NYAP2: variants seen among roughly 807,000 people sequenced by gnomAD.
NYAP2 encodes neuronal tyrosine-phosphorylated phosphoinositide-3-kinase adapter 2.
NYAP2 carries 23 observed loss-of-function variants against 50.4 expected under a neutral mutation model. That is an observed-to-expected ratio of 0.46 (90% CI 0.33 to 0.65). The LOEUF is 0.65. NYAP2 is among the 30% of genes least tolerant of loss of function. The pLI is 0.02. For missense variants in NYAP2, 885 were observed against 861.0 expected (o/e 1.03, Z -0.35); for synonymous variants, 394 against 365.2 (o/e 1.08, Z -0.90).
chr2:225,585,810 A>G (rs1692379791), intron 5 of NYAP2, among the ~76,000 whole-genome samples: 1 of 152,242 alleles, frequency 6.6e-6, no homozygotes, highest in Non-Finnish European at 1.5e-5. Flanking sequence ...GAATCTTTTC[A>G]TAATGCAAAA....
intron 5 of NYAP2, among the ~76,000 whole-genome samples, chr2:225,589,972 C>A (rs1692468591): frequency 6.6e-6 from 1 of 152,028 alleles, no homozygotes; most frequent in South Asian, 2.1e-4. Flanking sequence ...AGCAACCTGA[C>A]CGGAGTTAGG....
chr2:225,601,860 T>G (rs1037999680), intron 5 of NYAP2, among the ~76,000 whole-genome samples: 1 of 152,236 alleles, frequency 6.6e-6, no homozygotes, highest in Admixed American at 6.5e-5. Flanking sequence ...ACTCTGCTGA[T>G]AGTGTCCTTT....
chr2:225,435,025 T>C (rs1310024899), intron 3 of NYAP2, among the ~76,000 whole-genome samples: 1 of 152,222 alleles, frequency 6.6e-6, no homozygotes, highest in Non-Finnish European at 1.5e-5. Flanking sequence ...TGTCCTGATA[T>C]ATAAAAAGTT....
intron 4 of NYAP2, among the ~76,000 whole-genome samples, chr2:225,549,222 T>C (rs1691633015): frequency 6.6e-6 from 1 of 152,186 alleles, no homozygotes; most frequent in Non-Finnish European, 1.5e-5. Context: ...CTTCCAAGAA[T>C]GAGACACAAA....
intron 5 of NYAP2, among the ~76,000 whole-genome samples, chr2:225,622,240 C>T (rs530614494): frequency 1.3e-5 from 2 of 152,206 alleles, no homozygotes; most frequent in East Asian, 3.9e-4. Context: ...CTATGTTGCC[C>T]AGACTGATTT....
chr2:225,582,581 C>T lies in NYAP2; in HGVS notation c.1164C>T (p.Pro388=). The T allele has an allele frequency of 6.3e-7, 1 of 1,598,342 alleles. No individual in the cohort carries two copies. The highest frequency in any genetic ancestry group is 1.3e-5 in the African/African-American group (1 of 74,494). ...CCTCCACGCTGCCGTCCCACGTCCC[C>T]GGCCATGCGAAACTGGAGAAAGAGC... Residue 388 remains proline (P), a synonymous_variant, in exon 5 of 7, where the codon CCC becomes CCT. Coordinates refer to ENST00000636099, the Ensembl canonical transcript of NYAP2. The surrounding 1 kb of genome is among the most constrained non-coding windows in gnomAD (Gnocchi z 7.0).
intron 4 of NYAP2, among the ~76,000 whole-genome samples, chr2:225,528,550 C>A (rs750098518): frequency 1.8e-4 from 28 of 152,202 alleles, no homozygotes; most frequent in Admixed American, 3.9e-4. Context: ...AATACTGACA[C>A]TAAAATGATA....
intron 5 of NYAP2, among the ~76,000 whole-genome samples, chr2:225,597,126 G>A (rs778118923): frequency 1.6e-4 from 25 of 151,974 alleles, no homozygotes; most frequent in Non-Finnish European, 2.8e-4. Flanking sequence ...TAGATCTGCC[G>A]TCTAACAGCT....
intron 4 of NYAP2, among the ~76,000 whole-genome samples, chr2:225,577,455 ATT>A (rs142766983): frequency 6.6e-6 from 1 of 150,694 alleles, no homozygotes; most frequent in African/African-American, 2.4e-5. Context: ...ATTTTAAATA[ATT>A]TTTTTTTTAA....
intron 2 of NYAP2, among the ~76,000 whole-genome samples, chr2:225,406,815 C>T (rs1694947210): frequency 6.6e-6 from 1 of 151,858 alleles, no homozygotes; most frequent in Non-Finnish European, 1.5e-5. Flanking sequence ...ATTTGAAAGA[C>T]CACTTAGGAA....
chr2:225,581,309 T>G (rs1425261488), intron 4 of NYAP2, among the ~76,000 whole-genome samples: 1 of 152,216 alleles, frequency 6.6e-6, no homozygotes, highest in Non-Finnish European at 1.5e-5. Flanking sequence ...AAATACACCA[T>G]AATCAACAAT....
the NYAP2 span, among the ~76,000 whole-genome samples, chr2:225,675,106 A>G: frequency 2.0e-5 from 3 of 152,258 alleles, no homozygotes; most frequent in Admixed American, 2.0e-4. Flanking sequence ...TTTATTGTTT[A>G]TTAGTGGTAA....
chr2:225,452,311 A>G (rs1234326567), intron 3 of NYAP2, among the ~76,000 whole-genome samples: 1 of 152,216 alleles, frequency 6.6e-6, no homozygotes, highest in African/African-American at 2.4e-5. Flanking sequence ...TTAGCACTGT[A>G]GGAAGTGCAC....
chr2:225,435,114 C>T (rs1689355621), intron 3 of NYAP2, among the ~76,000 whole-genome samples: 3 of 152,064 alleles, frequency 2.0e-5, no homozygotes, highest in Non-Finnish European at 4.4e-5. Context: ...TAAACATGAT[C>T]TTTTGTGTGT....
intron 4 of NYAP2, among the ~76,000 whole-genome samples, chr2:225,532,429 G>C (rs1691274418): frequency 6.6e-6 from 1 of 152,124 alleles, no homozygotes; most frequent in Non-Finnish European, 1.5e-5. Context: ...AAGTAGGAGG[G>C]CAGTGATTTA....
chr2:225,467,517 A>G (rs1421561926), intron 3 of NYAP2, among the ~76,000 whole-genome samples: 2 of 152,182 alleles, frequency 1.3e-5, no homozygotes, highest in East Asian at 3.8e-4. Flanking sequence ...ACAAAACATT[A>G]GTCACCCAAT....
At chr2:225,481,537 T>C (rs1690207366) in intron 3 of NYAP2, among the ~76,000 whole-genome samples, 1 of 152,116 alleles carries the variant, frequency 6.6e-6, no homozygotes, top group African/African-American at 2.4e-5. Context: ...AACAACCACA[T>C]GGAGAACAAA....
chr2:225,557,051 A>AAC (rs1260873571), intron 4 of NYAP2, among the ~76,000 whole-genome samples: 11 of 152,152 alleles, frequency 7.2e-5, no homozygotes, highest in African/African-American at 9.7e-5. Context: ...GCCAAAGCAA[A>AAC]ACACACATAT....
At chr2:225,549,767 A>C (rs966437092) in intron 4 of NYAP2, among the ~76,000 whole-genome samples, 2 of 152,062 alleles carry the variant, frequency 1.3e-5, no homozygotes, top group Admixed American at 6.6e-5. Context: ...GGATCACCTG[A>C]GGTCAGGAGT....
Sources: allele counts gnomAD v4.1 joint callset (sites outside exome capture counted in the v4.1 genomes callset), GRCh38; gene constraint gnomAD v4.1.1; non-coding constraint Gnocchi (gnomAD v3.1); transcripts MANE v1.5; gene names NCBI Gene and HGNC (gene_info 2026-07-23, HGNC 2026-07-21).